The following ERBB4 variants were observed in gnomAD, a reference collection of about 807,000 sequenced individuals.
ERBB4 encodes the protein erb-b2 receptor tyrosine kinase 4, also known as receptor tyrosine-protein kinase erbB-4.
In ERBB4, 42 loss-of-function variants were observed where a neutral mutation model predicts 158.0. The ratio of observed to expected loss-of-function variants is 0.27; its 90% CI spans 0.21 to 0.34. The LOEUF is 0.34. ERBB4 is among the 10% of genes least tolerant of loss of function. The pLI is 1.00. For missense variants in ERBB4, 1,333 were observed against 1,624.1 expected, an observed-to-expected ratio of 0.82 and a Z score of 3.08; for synonymous variants, 583 against 558.7, an observed-to-expected ratio of 1.04 and a Z score of -0.61.
rs386392490 is a variant in ERBB4, at chr2:211,867,024, C to CAAAAAAAAA, written c.422-78874_422-78866dup. 9.1e-4 allele frequency among the ~76,000 whole-genome samples: 55 copies of CAAAAAAAAA among 60,630 alleles called. 9 individuals carry two copies. Among genetic ancestry groups the CAAAAAAAAA allele is most frequent in the East Asian group, 3.1e-3 (5 of 1,590 alleles). 39.8% of individuals were successfully genotyped at this position (60,630 alleles called of 152,430 possible). A position where few individuals can be genotyped will look rare whatever the true frequency, so the allele number is the denominator to read the frequency against. On this transcript the variant is annotated intron_variant, in intron 3 of 27. Coordinates refer to ENST00000342788, the MANE Select transcript of ERBB4 (RefSeq NM_005235.3). ...TATTAAACTCTCCATTCCTTAAAAC[C>CAAAAAAAAA]AAAAAAAAAAAAAAAAAAAAAAAAA...
chr2:211,503,664 T>C (rs981370114), intron 20 of ERBB4, among the ~76,000 whole-genome samples: 1 of 152,154 alleles, frequency 6.6e-6, no homozygotes, highest in Non-Finnish European at 1.5e-5. Flanking sequence ...GGCCTGCTTC[T>C]TGGGCTGGAT....
chr2:211,876,184 T>C (rs1455596142), intron 3 of ERBB4, among the ~76,000 whole-genome samples: 1 of 152,190 alleles, frequency 6.6e-6, no homozygotes, highest in African/African-American at 2.4e-5. Flanking sequence ...ATTAATAGCA[T>C]CACATTTTGC....
intron 2 of ERBB4, among the ~76,000 whole-genome samples, chr2:212,113,573 CAAAAAAAAAAAAA>C (rs35545899): frequency 9.5e-4 from 61 of 64,248 alleles, no homozygotes; most frequent in East Asian, 4.3e-3. Context: ...GACTCCATCT[CAAAAAAAAAAAAA>C]AAAAAAAAAA....
At chr2:212,013,818 A>T (rs2076447834) in intron 2 of ERBB4, among the ~76,000 whole-genome samples, 1 of 152,208 alleles carries the variant, frequency 6.6e-6, no homozygotes, top group Admixed American at 6.5e-5. Context: ...CATCATGCCC[A>T]GAAATTCCCT....
chr2:212,317,330 G>C (rs1418479247), intron 1 of ERBB4, among the ~76,000 whole-genome samples: 1 of 151,380 alleles, frequency 6.6e-6, no homozygotes, highest in Admixed American at 6.6e-5. Context: ...ATATTACATC[G>C]ATTAAAGAAT....
At chr2:212,478,071 C>A (rs558881044) in intron 1 of ERBB4, among the ~76,000 whole-genome samples, 70 of 152,180 alleles carry the variant, frequency 4.6e-4, no homozygotes, top group African/African-American at 1.6e-3. Flanking sequence ...TGCAAGAACC[C>A]AATCAACTAA....
chr2:212,315,326 G>T (rs768116594), intron 1 of ERBB4, among the ~76,000 whole-genome samples: 23 of 151,292 alleles, frequency 1.5e-4, no homozygotes, highest in Admixed American at 6.6e-4. Context: ...CAGAAAGACT[G>T]CAGCAATTCA....
chr2:211,881,774 T>C (rs1360695936), intron 3 of ERBB4, among the ~76,000 whole-genome samples: 2 of 152,180 alleles, frequency 1.3e-5, no homozygotes, highest in Non-Finnish European at 1.5e-5. Flanking sequence ...AGCAGAGAGC[T>C]ATTCTCCTTC....
At position 211,885,943 on chromosome 2, in the gene ERBB4, G is replaced by A. The variant is rs192077892; in HGVS notation, c.421+61487C>T. ...TCATAGACCAAGTTATATGCTAGTT[G>A]AAAGAATCTAACAATGTGGAGAATT... is the stretch of plus-strand genomic sequence containing the variant. On this transcript the variant is annotated intron_variant, in intron 3 of 27. Coordinates refer to ENST00000342788, the MANE Select transcript of ERBB4 (RefSeq NM_005235.3). Among the ~76,000 whole-genome samples, 424 of 152,224 alleles carry A rather than the reference G, an allele frequency of 2.8e-3. 4 individuals carry two copies. The highest frequency in any genetic ancestry group is 0.01 in the Middle Eastern group (3 of 294).
At chr2:211,961,437 C>A (rs1416354385) in intron 2 of ERBB4, among the ~76,000 whole-genome samples, 1 of 152,158 alleles carries the variant, frequency 6.6e-6, no homozygotes, top group Admixed American at 6.6e-5. Context: ...CCAATCACTT[C>A]CATGGGACTT....
chr2:211,480,515 C>T (rs570228998), intron 20 of ERBB4, among the ~76,000 whole-genome samples: 1 of 152,098 alleles, frequency 6.6e-6, no homozygotes, highest in African/African-American at 2.4e-5. Context: ...GCCCTTCTTT[C>T]GTGATTGTAA....
intron 12 of ERBB4, among the ~76,000 whole-genome samples, chr2:211,691,317 A>C (rs972679742): frequency 6.6e-6 from 1 of 152,142 alleles, no homozygotes; most frequent in African/African-American, 2.4e-5. Context: ...AATTAGTAGA[A>C]TTTTTAATAC....
Position 211,378,160 on chromosome 2 carries a change from C to T in ERBB4, c.*5455G>A, listed in dbSNP as rs1287837464. On this transcript the variant is annotated 3_prime_UTR_variant, in exon 28 of 28. Coordinates refer to ENST00000342788, the MANE Select transcript of ERBB4 (RefSeq NM_005235.3). Reference sequence around the variant, plus strand: ...CAAAAAAGGGAAGGATTCTATTTTCCTCTAAAGGTCAGAGAGAAATACATT... The same window carrying T: ...CAAAAAAGGGAAGGATTCTATTTTCTTCTAAAGGTCAGAGAGAAATACATT... 3 of 232,968 alleles carry T rather than the reference C, an allele frequency of 1.3e-5. No homozygotes were observed. Among genetic ancestry groups the T allele is most frequent in the Non-Finnish European group, 2.5e-5 (3 of 117,692 alleles). The allele number at this position is 232,968 out of a possible 1,614,324, so 14.4% of individuals were successfully genotyped here.
At chr2:212,180,302 AT>A (rs561363839) in intron 1 of ERBB4, among the ~76,000 whole-genome samples, 251 of 151,698 alleles carry the variant, frequency 1.7e-3, no homozygotes, top group African/African-American at 5.7e-3. Flanking sequence ...GGATAAGCAT[AT>A]TTTTTTCTTG....
intron 5 of ERBB4, among the ~76,000 whole-genome samples, chr2:211,734,184 A>G (rs2074525518): frequency 6.6e-6 from 1 of 152,214 alleles, no homozygotes; most frequent in South Asian, 2.1e-4. Flanking sequence ...AATAAATACC[A>G]TCAAGTCCAA....
intron 16 of ERBB4, among the ~76,000 whole-genome samples, chr2:211,637,738 C>G (rs1397444904): frequency 6.6e-6 from 1 of 151,832 alleles, no homozygotes; most frequent in South Asian, 2.1e-4. Context: ...CTTGTAAACT[C>G]CATATTAAAT....
At chr2:211,561,352 C>G (rs1214988604) in intron 20 of ERBB4, among the ~76,000 whole-genome samples, 1 of 152,154 alleles carries the variant, frequency 6.6e-6, no homozygotes, top group Non-Finnish European at 1.5e-5. Flanking sequence ...ACCACAGACC[C>G]ACCTCCCCTA....
At chr2:211,399,832 T>G (rs1332646990) in intron 25 of ERBB4, among the ~76,000 whole-genome samples, 1 of 152,032 alleles carries the variant, frequency 6.6e-6, no homozygotes, top group Non-Finnish European at 1.5e-5. Context: ...TACAACTTGT[T>G]AACTAAGAAC....
chr2:211,606,962 T>G (rs2125824813), intron 19 of ERBB4, among the ~76,000 whole-genome samples: 1 of 152,308 alleles, frequency 6.6e-6, no homozygotes, highest in South Asian at 2.1e-4. Flanking sequence ...TGGTGAATTT[T>G]CCACATGCTT....
Sources: gnomAD v4.1 joint callset for allele counts (sites outside exome capture counted in the v4.1 genomes callset) on GRCh38, gnomAD v4.1.1 for gene constraint, MANE v1.5 for transcripts, NCBI Gene and HGNC (gene_info 2026-07-23, HGNC 2026-07-21) for gene names.